The following CACNA2D3 variants were observed in gnomAD, a reference collection of about 807,000 sequenced individuals.
The protein encoded by CACNA2D3 is voltage-dependent calcium channel subunit alpha-2/delta-3.
Under a neutral mutation model 160.6 loss-of-function variants are expected in CACNA2D3, and 60 were observed. That is an observed-to-expected ratio of 0.37 (90% CI 0.30 to 0.46). CACNA2D3 has a LOEUF of 0.46. Ranked by LOEUF, CACNA2D3 falls within the 20% of genes least tolerant of loss-of-function variation. The probability of loss-of-function intolerance (pLI) is 1.00; values close to 1 mark genes in which losing one functional copy is unlikely to be tolerated. For synonymous variants in CACNA2D3, 558 were observed against 492.9 expected, an observed-to-expected ratio of 1.13 and a Z score of -1.75; for missense variants, 1,205 against 1,365.0, an observed-to-expected ratio of 0.88 and a Z score of 1.85.
chr3:54,900,383 T>C (rs1230658568), intron 27 of CACNA2D3, among the ~76,000 whole-genome samples: 6 of 152,218 alleles, frequency 3.9e-5, no homozygotes, highest in African/African-American at 1.4e-4. Flanking sequence ...ATTATATGAC[T>C]GAGAGTCTTG....
intron 35 of CACNA2D3, among the ~76,000 whole-genome samples, chr3:55,022,818 C>T (rs1045068562): frequency 6.6e-6 from 1 of 151,688 alleles, no homozygotes; most frequent in Admixed American, 6.6e-5. Context: ...TCCTCCAGAA[C>T]AAACAAAAAC....
Position 54,540,405 on chromosome 3 carries a change from G to A in CACNA2D3, c.545-22395G>A, listed in dbSNP as rs926350821. Among the ~76,000 whole-genome samples the A allele has an allele frequency of 1.8e-4, 28 of 152,106 alleles. 1 individual carries two copies. Among genetic ancestry groups the A allele is most frequent in the Non-Finnish European group, 1.9e-4 (13 of 68,030 alleles). Reference sequence around the variant, plus strand: ...AATATAAAGCTAAATATAATTTGCCGTTATCTTCCCCAAGATACCATGGGC... The same window carrying A: ...AATATAAAGCTAAATATAATTTGCCATTATCTTCCCCAAGATACCATGGGC... On this transcript the variant is annotated intron_variant, in intron 5 of 37. Coordinates refer to ENST00000474759, the MANE Select transcript of CACNA2D3 (RefSeq NM_018398.3).
At chr3:54,488,471 C>T (rs1288934654) in intron 4 of CACNA2D3, among the ~76,000 whole-genome samples, 3 of 152,104 alleles carry the variant, frequency 2.0e-5, no homozygotes, top group Non-Finnish European at 2.9e-5. Flanking sequence ...TGGCATTAGA[C>T]TGAACAGTGG....
intron 2 of CACNA2D3, among the ~76,000 whole-genome samples, chr3:54,147,812 G>A (rs1034431643): frequency 6.6e-6 from 1 of 152,168 alleles, no homozygotes; most frequent in Non-Finnish European, 1.5e-5. Flanking sequence ...TTTTCTGTTT[G>A]TTTGTTTGTT....
chr3:55,033,919 A>G (rs577715212), intron 35 of CACNA2D3, among the ~76,000 whole-genome samples: 1 of 138,136 alleles, frequency 7.2e-6, no homozygotes, highest in East Asian at 2.0e-4. Context: ...AAAAATACAT[A>G]TATATTTAAG....
At chr3:54,743,151 G>A (rs774854154) in intron 11 of CACNA2D3, among the ~76,000 whole-genome samples, 19 of 152,188 alleles carry the variant, frequency 1.2e-4, no homozygotes, top group East Asian at 5.8e-4. Flanking sequence ...ACTAATATTC[G>A]TTGAGAATCT....
At chr3:54,768,686 C>T (rs1702264951) in intron 13 of CACNA2D3, among the ~76,000 whole-genome samples, 1 of 152,194 alleles carries the variant, frequency 6.6e-6, no homozygotes, top group Non-Finnish European at 1.5e-5. Context: ...TTTAAAATAA[C>T]ATTTCACGTG....
chr3:54,824,224 A>G (rs952954215), intron 14 of CACNA2D3, among the ~76,000 whole-genome samples: 2 of 152,176 alleles, frequency 1.3e-5, no homozygotes, highest in African/African-American at 2.4e-5. Context: ...CGATCTACCA[A>G]TCTTTAATCA....
At chr3:54,425,109 C>T (rs949568646) in intron 4 of CACNA2D3, among the ~76,000 whole-genome samples, 13 of 152,270 alleles carry the variant, frequency 8.5e-5, no homozygotes, top group East Asian at 3.9e-4. Flanking sequence ...GCAGGTGTAT[C>T]GCCTGAGGTC....
At chr3:54,957,241 C>T (rs1701921900) in intron 27 of CACNA2D3, among the ~76,000 whole-genome samples, 1 of 151,958 alleles carries the variant, frequency 6.6e-6, no homozygotes, top group Admixed American at 6.6e-5. Context: ...CTCAATGCAG[C>T]CTCAAACTCC....
At chr3:54,280,662 C>T (rs1317844038) in intron 2 of CACNA2D3, among the ~76,000 whole-genome samples, 1 of 152,120 alleles carries the variant, frequency 6.6e-6, no homozygotes, top group East Asian at 1.9e-4. Flanking sequence ...CATACAGTTT[C>T]CCCCTCAAGT....
rs576152279 is a variant in CACNA2D3 at position 54,759,033 on chromosome 3, A to G, written c.1247-5185A>G. Reference sequence around the variant, plus strand: ...AGGCAAAAGACTCTAAAAATCCCCAAGTAAGGGTAATATCTCAGAAACACA... The same window carrying G: ...AGGCAAAAGACTCTAAAAATCCCCAGGTAAGGGTAATATCTCAGAAACACA... On this transcript the variant is annotated intron_variant, in intron 12 of 37. Coordinates refer to ENST00000474759, the MANE Select transcript of CACNA2D3 (RefSeq NM_018398.3). 4.6e-5 allele frequency among the ~76,000 whole-genome samples: 7 copies of G among 152,354 alleles called. No individual in the cohort carries two copies. In the South Asian group the frequency reaches 1.4e-3, roughly 32 times the overall value.
intron 2 of CACNA2D3, among the ~76,000 whole-genome samples, chr3:54,211,874 T>G (rs1462717835): frequency 9.9e-5 from 15 of 152,062 alleles, no homozygotes; most frequent in Admixed American, 9.8e-4. Flanking sequence ...ACATTTTAGG[T>G]TTTTAGGTAT....
intron 27 of CACNA2D3, among the ~76,000 whole-genome samples, chr3:54,950,489 C>G (rs1330969965): frequency 6.6e-6 from 1 of 152,142 alleles, no homozygotes; most frequent in Non-Finnish European, 1.5e-5. Context: ...ATAATGCTGA[C>G]AATAATTATA....
chr3:55,059,787 G>A (rs575877745), intron 35 of CACNA2D3, among the ~76,000 whole-genome samples: 107 of 152,128 alleles, frequency 7.0e-4, no homozygotes, highest in Admixed American at 1.5e-3. Flanking sequence ...GGGATGGATT[G>A]GGGGGTGGAA....
intron 11 of CACNA2D3, among the ~76,000 whole-genome samples, chr3:54,666,855 G>T (rs1306892640): frequency 6.6e-6 from 1 of 152,234 alleles, no homozygotes; most frequent in Non-Finnish European, 1.5e-5. Context: ...ATGGTTGGAA[G>T]TACTTTGTGC....
intron 13 of CACNA2D3, among the ~76,000 whole-genome samples, chr3:54,805,627 AG>A (rs984590357): frequency 6.6e-6 from 1 of 152,206 alleles, no homozygotes; most frequent in African/African-American, 2.4e-5. Flanking sequence ...AGAGGTACAA[AG>A]AGGAATTGGT....
rs370857998 is a variant in CACNA2D3, at chr3:54,936,514, G to A, written c.2450-31936G>A. On this transcript the variant is annotated intron_variant, in intron 27 of 37. Coordinates refer to ENST00000474759, the MANE Select transcript of CACNA2D3 (RefSeq NM_018398.3). The stretch of plus-strand genomic sequence containing the variant: ...TGGGATGTTTGTTAGCAAAATAAAG[G>A]CCCTGCCTTGACTTTGCTGCAGCCT... Among the ~76,000 whole-genome samples, 11 of 152,136 alleles carry A rather than the reference G, an allele frequency of 7.2e-5. No individual in the cohort carries two copies. The East Asian group carries it at 9.6e-4, about 13-fold the overall frequency.
At chr3:54,259,420 A>G (rs1476611933) in intron 2 of CACNA2D3, among the ~76,000 whole-genome samples, 1 of 152,242 alleles carries the variant, frequency 6.6e-6, no homozygotes, top group African/African-American at 2.4e-5. Context: ...TGTCTAAACA[A>G]GTATACAGAT....
Sources: gnomAD v4.1 joint callset for allele counts (sites outside exome capture counted in the v4.1 genomes callset) on GRCh38, gnomAD v4.1.1 for gene constraint, MANE v1.5 for transcripts, NCBI Gene and HGNC (gene_info 2026-07-23, HGNC 2026-07-21) for gene names.